SSBP3: variants seen among roughly 807,000 people sequenced by gnomAD.
The protein encoded by SSBP3 is single-stranded DNA-binding protein 3.
Under a neutral mutation model 69.6 loss-of-function variants are expected in SSBP3, and 5 were observed. That is an observed-to-expected ratio of 0.07 (90% CI 0.04 to 0.15). The LOEUF is 0.15. Ranked by LOEUF, SSBP3 falls within the 10% of genes least tolerant of loss-of-function variation. The probability of loss-of-function intolerance (pLI) is 1.00; values close to 1 mark genes in which losing one functional copy is unlikely to be tolerated. For missense variants in SSBP3, 312 were observed against 534.0 expected, an observed-to-expected ratio of 0.58 and a Z score of 4.10; for synonymous variants, 196 against 193.4, an observed-to-expected ratio of 1.01 and a Z score of -0.11.
chr1:54,306,835 C>T (rs1308165419), intron 4 of SSBP3, among the ~76,000 whole-genome samples: 1 of 152,128 alleles, frequency 6.6e-6, no homozygotes, highest in Non-Finnish European at 1.5e-5. Flanking sequence ...AAGCACTTCA[C>T]AGAGCAGGAA....
At chr1:54,352,184 A>C (rs1646791381) in intron 4 of SSBP3, among the ~76,000 whole-genome samples, 1 of 141,110 alleles carries the variant, frequency 7.1e-6, no homozygotes, top group Admixed American at 7.1e-5. Flanking sequence ...CAAAAAAAAC[A>C]GTCCCCTCAG....
At chr1:54,231,330 T>C (rs1644376075) in intron 14 of SSBP3, among the ~76,000 whole-genome samples, 1 of 152,270 alleles carries the variant, frequency 6.6e-6, no homozygotes, top group East Asian at 1.9e-4. Flanking sequence ...TGGCTATTTG[T>C]AATTTTTGGA....
At chr1:54,379,769 T>C (rs1044931659) in intron 4 of SSBP3, among the ~76,000 whole-genome samples, 3 of 152,176 alleles carry the variant, frequency 2.0e-5, no homozygotes, top group Non-Finnish European at 4.4e-5. Flanking sequence ...TCCTGCTTTC[T>C]CTGGACATCA....
rs201760375 is a variant in SSBP3, at chr1:54,404,539, A to G, written c.191+37T>C. 3 of 1,610,890 alleles carry G rather than the reference A, an allele frequency of 1.9e-6. No homozygotes were observed. In the African/African-American group the frequency reaches 4.0e-5, roughly 21 times the overall value. On this transcript the variant is annotated intron_variant, in intron 3 of 17. Coordinates refer to ENST00000610401, the Ensembl canonical transcript of SSBP3. ...TCACTTGGACCCAGGGCTCACAACA[A>G]AACAAACACACATGCAAAACTATCA... is the stretch of plus-strand genomic sequence containing the variant.
Position 54,246,603 on chromosome 1 carries a change from C to T in SSBP3, c.652-3304G>A, listed in dbSNP as rs757261110. Among the ~76,000 whole-genome samples the T allele has an allele frequency of 1.6e-4, 24 of 152,178 alleles. No homozygotes were observed. In the South Asian group the frequency reaches 1.7e-3, roughly 10 times the overall value. On this transcript the variant is annotated intron_variant, in intron 9 of 17. Coordinates refer to ENST00000610401, the Ensembl canonical transcript of SSBP3. ...GGAGGCTCCAAGTGCACTATCCTGC[C>T]GCTCCTGACCCTGCCTGGCCTTCAG...
At chr1:54,401,481 G>A (rs1570064190) in intron 4 of SSBP3, among the ~76,000 whole-genome samples, 1 of 152,072 alleles carries the variant, frequency 6.6e-6, no homozygotes, top group Non-Finnish European at 1.5e-5. Flanking sequence ...ACTCCAAAAC[G>A]CAAGTTTCCT....
chr1:54,289,852 C>G (rs1179482990), intron 4 of SSBP3, among the ~76,000 whole-genome samples: 4 of 152,072 alleles, frequency 2.6e-5, no homozygotes, highest in African/African-American at 9.7e-5. Flanking sequence ...TTTCCCTCCC[C>G]CAGGATAGGG....
chr1:54,336,756 C>T (rs571501765), intron 4 of SSBP3, among the ~76,000 whole-genome samples: 3 of 152,292 alleles, frequency 2.0e-5, no homozygotes, highest in South Asian at 2.1e-4. Flanking sequence ...GCTGCAGCAT[C>T]AGCATGTGGC....
At chr1:54,377,157 A>C (rs1178676540) in intron 4 of SSBP3, among the ~76,000 whole-genome samples, 1 of 152,196 alleles carries the variant, frequency 6.6e-6, no homozygotes, top group African/African-American at 2.4e-5. Flanking sequence ...AAATGGGGTG[A>C]GGGTGCCACA....
In SSBP3 at chr1:54,227,913, T is replaced by C. The variant is rs532154164; in HGVS notation, c.1137+342A>G. ...CCCGTGTTGAGAGCCCTGAAAATCG[T>C]TGGCTGCACGAACCTTTCCCCACTG... On this transcript the variant is annotated intron_variant, in intron 17 of 17. Transcript: ENST00000610401. Among the ~76,000 whole-genome samples, 5 of 152,310 alleles carry C rather than the reference T, an allele frequency of 3.3e-5. No individual in the cohort carries two copies. The East Asian group carries it at 9.7e-4, about 29-fold the overall frequency.
At chr1:54,403,620 G>T (rs1649463670) in intron 3 of SSBP3, among the ~76,000 whole-genome samples, 1 of 151,686 alleles carries the variant, frequency 6.6e-6, no homozygotes, top group Admixed American at 6.6e-5. Context: ...TCCTCCTGCT[G>T]TTCTAAGAGA....
At chr1:54,395,653 C>T (rs561718542) in intron 4 of SSBP3, among the ~76,000 whole-genome samples, 3 of 152,262 alleles carry the variant, frequency 2.0e-5, no homozygotes, top group South Asian at 2.1e-4. Context: ...CTCACAACCA[C>T]TATGCAAAGG....
chr1:54,326,443 C>G (rs1407684092), intron 4 of SSBP3: 6 of 152,312 alleles, frequency 3.9e-5, no homozygotes, highest in African/African-American at 1.2e-4. Flanking sequence ...TCTGCAGATA[C>G]CAGCTCCTCT....
At chr1:54,261,945 G>A (rs1645023396) in intron 5 of SSBP3, among the ~76,000 whole-genome samples, 1 of 152,104 alleles carries the variant, frequency 6.6e-6, no homozygotes, top group African/African-American at 2.4e-5. Context: ...AGAAAAGAGA[G>A]GCCCATGACA....
chr1:54,307,216 C>T (rs1262174707), intron 4 of SSBP3, among the ~76,000 whole-genome samples: 3 of 152,102 alleles, frequency 2.0e-5, no homozygotes, highest in Non-Finnish European at 2.9e-5. Context: ...CACACCCCCA[C>T]TATGGTCACG....
At chr1:54,401,107 G>C (rs886316052) in intron 4 of SSBP3, among the ~76,000 whole-genome samples, 2 of 152,166 alleles carry the variant, frequency 1.3e-5, no homozygotes, top group East Asian at 1.9e-4. Flanking sequence ...AGATCATCAA[G>C]TGTGACTGCA....
chr1:54,402,425 C>T (rs1271058241), intron 3 of SSBP3, among the ~76,000 whole-genome samples: 2 of 152,310 alleles, frequency 1.3e-5, no homozygotes, highest in African/African-American at 4.8e-5. Flanking sequence ...CAGAACACAA[C>T]TATGATTCAT....
intron 4 of SSBP3, among the ~76,000 whole-genome samples, chr1:54,336,851 G>A (rs1306361933): frequency 6.6e-6 from 1 of 152,154 alleles, no homozygotes; most frequent in African/African-American, 2.4e-5. Context: ...CCACGTGCGT[G>A]GTAACCACCC....
At chr1:54,339,131 C>A (rs928638857) in intron 4 of SSBP3, among the ~76,000 whole-genome samples, 1 of 151,972 alleles carries the variant, frequency 6.6e-6, no homozygotes, top group Non-Finnish European at 1.5e-5. Context: ...AGAGACCCTT[C>A]ACCTATCACC....
Sources: allele counts gnomAD v4.1 joint callset (sites outside exome capture counted in the v4.1 genomes callset), GRCh38; gene constraint gnomAD v4.1.1; transcripts MANE v1.5; gene names NCBI Gene and HGNC (gene_info 2026-07-23, HGNC 2026-07-21).